Variants in DOCK4 observed in about 807,000 individuals in gnomAD.
DOCK4 encodes the protein dedicator of cytokinesis protein 4.
A neutral mutation model predicts 268.1 loss-of-function variants in DOCK4; 97 were observed. The ratio of observed to expected loss-of-function variants is 0.36; its 90% CI spans 0.31 to 0.43. The LOEUF is 0.43. Among genes scored for constraint, DOCK4 ranks in the 20% least tolerant of loss-of-function variants. The probability of loss-of-function intolerance (pLI) is 1.00; values close to 1 mark genes in which losing one functional copy is unlikely to be tolerated. For missense variants in DOCK4, 2,145 were observed against 2,455.7 expected (o/e 0.87, Z 2.67); for synonymous variants, 954 against 887.2 (o/e 1.08, Z -1.34).
At position 112,130,018 on chromosome 7, in the gene DOCK4, C is replaced by A. The variant is rs559821426; in HGVS notation, c.37+76084G>T. On this transcript the variant is annotated intron_variant, in intron 1 of 52. Transcript: ENST00000428084. ...GGATTCCTGATCCAAATGAACAGGGCCTTGAACACATCTAGACACGGAGCC... is the reference window on the plus strand; with the variant it reads ...GGATTCCTGATCCAAATGAACAGGGACTTGAACACATCTAGACACGGAGCC... Among the ~76,000 whole-genome samples, 4 of 152,288 alleles carry A rather than the reference C, an allele frequency of 2.6e-5. No individual in the cohort carries two copies. The South Asian group carries it at 8.3e-4, about 32-fold the overall frequency.
At chr7:111,823,204 CTTT>C (rs917904625) in intron 26 of DOCK4, among the ~76,000 whole-genome samples, 6 of 116,272 alleles carry the variant, frequency 5.2e-5, no homozygotes, top group Admixed American at 9.3e-5. Context: ...GGAAATATTA[CTTT>C]TTTTTTTTTT....
At chr7:111,873,972 T>C (rs1009082566) in intron 17 of DOCK4, among the ~76,000 whole-genome samples, 2 of 152,222 alleles carry the variant, frequency 1.3e-5, no homozygotes, top group Non-Finnish European at 1.5e-5. Flanking sequence ...TCAGACATCC[T>C]GGGGTATGAC....
intron 1 of DOCK4, among the ~76,000 whole-genome samples, chr7:112,022,103 C>T (rs1802369205): frequency 6.6e-6 from 1 of 152,206 alleles, no homozygotes; most frequent in South Asian, 2.1e-4. Flanking sequence ...AAAGGTTTAC[C>T]TTTTCCCCTT....
chr7:112,173,823 C>T (rs564870286), intron 1 of DOCK4, among the ~76,000 whole-genome samples: 1 of 152,058 alleles, frequency 6.6e-6, no homozygotes, highest in African/African-American at 2.4e-5. Context: ...ACCTAAGCAG[C>T]ATGATGGCCA....
chr7:112,205,304 C>T (rs2116915109), intron 1 of DOCK4, among the ~76,000 whole-genome samples: 2 of 152,258 alleles, frequency 1.3e-5, no homozygotes, highest in South Asian at 2.1e-4. Flanking sequence ...AAGAACCAGG[C>T]TTTCCGATCC....
chr7:111,907,326 A>C (rs1485078695), intron 13 of DOCK4, among the ~76,000 whole-genome samples: 2 of 152,296 alleles, frequency 1.3e-5, no homozygotes, highest in Middle Eastern at 3.4e-3. Flanking sequence ...AGGGCACATG[A>C]TGCAACACCC....
At chr7:111,735,718 G>T (rs753513961) in intron 50 of DOCK4, among the ~76,000 whole-genome samples, 13 of 152,156 alleles carry the variant, frequency 8.5e-5, no homozygotes, top group Non-Finnish European at 1.3e-4. Flanking sequence ...TTTGTAATTT[G>T]TCTGCTCTGT....
At chr7:112,063,517 G>A (rs1310604983) in intron 1 of DOCK4, among the ~76,000 whole-genome samples, 1 of 152,212 alleles carries the variant, frequency 6.6e-6, no homozygotes, top group African/African-American at 2.4e-5. Context: ...ATAATAGAGT[G>A]TGGAATATGT....
At chr7:112,024,691 T>A (rs1320270606) in intron 1 of DOCK4, among the ~76,000 whole-genome samples, 2 of 152,230 alleles carry the variant, frequency 1.3e-5, no homozygotes, top group Non-Finnish European at 1.5e-5. Context: ...CTCAGTCAAT[T>A]CTCCACTGAC....
intron 1 of DOCK4, among the ~76,000 whole-genome samples, chr7:112,090,582 A>G (rs1809531676): frequency 6.6e-6 from 1 of 152,198 alleles, no homozygotes; most frequent in Non-Finnish European, 1.5e-5. Flanking sequence ...TGAAAACTAC[A>G]TTGCAGTAAG....
chr7:112,022,196 A>G (rs1289284394), intron 1 of DOCK4, among the ~76,000 whole-genome samples: 1 of 152,180 alleles, frequency 6.6e-6, no homozygotes, highest in East Asian at 1.9e-4. Flanking sequence ...TCACTCACTC[A>G]ATGTTTACTA....
chr7:112,089,560 G>T (rs977470301), intron 1 of DOCK4, among the ~76,000 whole-genome samples: 5 of 152,122 alleles, frequency 3.3e-5, no homozygotes, highest in Admixed American at 2.6e-4. Flanking sequence ...CTAAATTACG[G>T]TTTGGTGTTT....
intron 1 of DOCK4, among the ~76,000 whole-genome samples, chr7:112,205,357 C>T (rs1313261861): frequency 1.3e-5 from 2 of 152,154 alleles, no homozygotes; most frequent in African/African-American, 2.4e-5. Context: ...CGCCACACCG[C>T]CCCCACTGCG....
chr7:112,133,017 C>T (rs572885025), intron 1 of DOCK4, among the ~76,000 whole-genome samples: 13 of 152,268 alleles, frequency 8.5e-5, no homozygotes, highest in African/African-American at 2.4e-4. Flanking sequence ...ATCTCAAATT[C>T]CAGGATGACC....
intron 1 of DOCK4, among the ~76,000 whole-genome samples, chr7:112,024,209 T>C (rs763259753): frequency 1.2e-4 from 18 of 152,242 alleles, no homozygotes; most frequent in Non-Finnish European, 2.5e-4. Context: ...TTATACTGGA[T>C]AATTCAAGCA....
intron 2 of DOCK4, among the ~76,000 whole-genome samples, chr7:112,001,519 G>C (rs1364754861): frequency 6.6e-6 from 1 of 151,972 alleles, no homozygotes; most frequent in East Asian, 1.9e-4. Context: ...TGGCTCCAAG[G>C]CACAAGAGTA....
chr7:111,746,127 T>A (rs898038518), intron 44 of DOCK4, among the ~76,000 whole-genome samples: 6 of 152,152 alleles, frequency 3.9e-5, no homozygotes, highest in African/African-American at 9.7e-5. Flanking sequence ...CTGGCTGCCA[T>A]AGTCTACTCA....
chr7:112,099,468 T>C (rs918183112), intron 1 of DOCK4, among the ~76,000 whole-genome samples: 1 of 152,182 alleles, frequency 6.6e-6, no homozygotes, highest in Non-Finnish European at 1.5e-5. Flanking sequence ...CAGCTGATAA[T>C]TATGTATTTA....
At chr7:112,025,053 C>T (rs903734786) in intron 1 of DOCK4, among the ~76,000 whole-genome samples, 2 of 152,132 alleles carry the variant, frequency 1.3e-5, no homozygotes, top group African/African-American at 4.8e-5. Context: ...ATTGAGAAAG[C>T]ACTAATCAAC....
Sources: gnomAD v4.1 joint callset for allele counts (sites outside exome capture counted in the v4.1 genomes callset) on GRCh38, gnomAD v4.1.1 for gene constraint, MANE v1.5 for transcripts, NCBI Gene and HGNC (gene_info 2026-07-23, HGNC 2026-07-21) for gene names.